FOXN3: variants seen among roughly 807,000 people sequenced by gnomAD.
The protein encoded by FOXN3 is forkhead box protein N3.
A neutral mutation model predicts 38.4 loss-of-function variants in FOXN3; 7 were observed. That is an observed-to-expected ratio of 0.18 (90% CI 0.10 to 0.34). The LOEUF (loss-of-function observed/expected upper bound fraction) is 0.34. Among genes scored for constraint, FOXN3 ranks in the 10% least tolerant of loss-of-function variants. The pLI is 1.00. For synonymous variants in FOXN3, 230 were observed against 242.2 expected (o/e 0.95, Z 0.47); for missense variants, 456 against 613.4 (o/e 0.74, Z 2.71).
intron 4 of FOXN3, among the ~76,000 whole-genome samples, chr14:89,277,699 C>G (rs964936773): frequency 6.6e-6 from 1 of 152,196 alleles, no homozygotes; most frequent in African/African-American, 2.4e-5. Context: ...AGTTTCCACT[C>G]TAAACCAAAC....
chr14:89,232,136 A>G (rs899369092), intron 4 of FOXN3, among the ~76,000 whole-genome samples: 8 of 152,156 alleles, frequency 5.3e-5, no homozygotes, highest in Admixed American at 1.3e-4. Context: ...GATTTATTGG[A>G]CTTTTCCACA....
In FOXN3 at chr14:89,425,897, T is replaced by G. The variant is rs148560387; in HGVS notation, c.-14-13407A>C. 2.9e-3 allele frequency among the ~76,000 whole-genome samples: 438 copies of G among 152,300 alleles called. 3 individuals are homozygous for G. The highest frequency in any genetic ancestry group is 0.01 in the African/African-American group (426 of 41,544). On this transcript the variant is annotated intron_variant, in intron 1 of 6. Transcript: ENST00000345097. ...GTTTCCATTTAAGAAGCTTTTTGAATATATATTGTTGTTCATTCACAACGA... is the reference window on the plus strand; with the variant it reads ...GTTTCCATTTAAGAAGCTTTTTGAAGATATATTGTTGTTCATTCACAACGA...
intron 1 of FOXN3, among the ~76,000 whole-genome samples, chr14:89,565,662 G>A (rs1258027970): frequency 2.0e-5 from 3 of 152,134 alleles, no homozygotes; most frequent in Non-Finnish European, 4.4e-5. Context: ...TCTACCAAAG[G>A]GGAGATGAAA....
intron 3 of FOXN3, chr14:89,291,521 G>T: frequency 1.7e-6 from 1 of 587,098 alleles, no homozygotes; most frequent in Non-Finnish European, 3.4e-6. Context: ...GGGCCTGTGG[G>T]ACTCTGCAGA....
At chr14:89,306,279 G>A (rs1887366839) in intron 3 of FOXN3, among the ~76,000 whole-genome samples, 1 of 151,782 alleles carries the variant, frequency 6.6e-6, no homozygotes, top group Non-Finnish European at 1.5e-5. Context: ...GAGGGGAGCT[G>A]AAGAAACAGA....
chr14:89,606,593 T>A (rs1453099989), intron 1 of FOXN3, among the ~76,000 whole-genome samples: 1 of 152,230 alleles, frequency 6.6e-6, no homozygotes, highest in Non-Finnish European at 1.5e-5. Context: ...CTCATGCCTG[T>A]AATCCCAGCA....
chr14:89,313,332 G>C (rs371927652), intron 3 of FOXN3, among the ~76,000 whole-genome samples: 4 of 152,204 alleles, frequency 2.6e-5, no homozygotes, highest in African/African-American at 9.7e-5. Context: ...TTGAGAGGCA[G>C]GGGATCACTT....
rs185716167 is a variant in FOXN3, at chr14:89,333,411, C to A, written c.680+17261G>T. Among the ~76,000 whole-genome samples, 181 of 144,802 alleles carry A rather than the reference C, an allele frequency of 1.2e-3. 1 individual carries two copies. Among genetic ancestry groups the A allele is most frequent in the African/African-American group, 4.3e-3 (173 of 39,874 alleles). The allele number at this position is 144,802 out of a possible 152,430, so 95.0% of individuals were successfully genotyped here. On this transcript the variant is annotated intron_variant, in intron 3 of 5. Transcript: ENST00000557258. Reference sequence around the variant, plus strand: ...CCAGCCTGGGTGAGAGAGCGAGACTCCGTCTCAAAAGAAAAAAAAAAAAGG... The same window carrying A: ...CCAGCCTGGGTGAGAGAGCGAGACTACGTCTCAAAAGAAAAAAAAAAAAGG...
intron 2 of FOXN3, among the ~76,000 whole-genome samples, chr14:89,366,938 A>ACATAATTTGATCAC (rs1272378596): frequency 2.6e-5 from 4 of 152,218 alleles, no homozygotes; most frequent in African/African-American, 9.6e-5. Context: ...TCAAATTGGC[A>ACATAATTTGATCAC]CATAATTTGA....
At chr14:89,599,460 T>A (rs1029165848) in intron 1 of FOXN3, among the ~76,000 whole-genome samples, 1 of 152,240 alleles carries the variant, frequency 6.6e-6, no homozygotes, top group East Asian at 1.9e-4. Flanking sequence ...TTCAATCTTA[T>A]CTTTTAATCC....
At chr14:89,225,631 A>G (rs1884612943) in intron 4 of FOXN3, among the ~76,000 whole-genome samples, 2 of 152,150 alleles carry the variant, frequency 1.3e-5, no homozygotes, top group Non-Finnish European at 2.9e-5. Flanking sequence ...AAATAAAAAT[A>G]TGAAATAATA....
At chr14:89,605,059 G>C (rs968254633) in intron 1 of FOXN3, among the ~76,000 whole-genome samples, 1 of 151,932 alleles carries the variant, frequency 6.6e-6, no homozygotes, top group African/African-American at 2.4e-5. Context: ...AAGTGATGAA[G>C]GGGGTGGGTT....
intron 4 of FOXN3, among the ~76,000 whole-genome samples, chr14:89,240,645 A>AAG (rs1259544684): frequency 7.2e-5 from 11 of 152,250 alleles, no homozygotes; most frequent in African/African-American, 2.7e-4. Flanking sequence ...GGGCTGTGTA[A>AAG]AGGCATCAGC....
chr14:89,591,761 C>T (rs528196994), intron 1 of FOXN3, among the ~76,000 whole-genome samples: 5 of 152,096 alleles, frequency 3.3e-5, no homozygotes, highest in Admixed American at 1.3e-4. Flanking sequence ...ACCATCTCTA[C>T]AAAAAATTTT....
rs145204184 is a variant in FOXN3 at position 89,580,384 on chromosome 14, G to A, written c.-15+38644C>T. ...TTTAGCCAAAACCTGTTCTGTGCTC[G>A]AAGGAAACCACCACCAAGGGCTGTC... is the stretch of plus-strand genomic sequence containing the variant. On this transcript the variant is annotated intron_variant, in intron 1 of 6. Transcript: ENST00000345097. Among the ~76,000 whole-genome samples, 68 of 152,304 alleles carry A rather than the reference G, an allele frequency of 4.5e-4. No individual in the cohort carries two copies. The East Asian group carries it at 9.6e-3, about 22-fold the overall frequency.
At chr14:89,492,714 C>T (rs532400057) in intron 1 of FOXN3, among the ~76,000 whole-genome samples, 2 of 152,174 alleles carry the variant, frequency 1.3e-5, no homozygotes, top group African/African-American at 2.4e-5. Context: ...CCTGTCTCAA[C>T]AAAATAAAAT....
chr14:89,391,885 T>C (rs1890957995), intron 2 of FOXN3, among the ~76,000 whole-genome samples: 1 of 152,136 alleles, frequency 6.6e-6, no homozygotes, highest in African/African-American at 2.4e-5. Flanking sequence ...CATGTGCCCA[T>C]ATTCCCAGCT....
intron 4 of FOXN3, among the ~76,000 whole-genome samples, chr14:89,250,625 T>A (rs569205641): frequency 1.3e-5 from 2 of 152,350 alleles, no homozygotes; most frequent in South Asian, 2.1e-4. Flanking sequence ...CCATGGGGAA[T>A]GGCACATTCT....
At chr14:89,329,216 G>A (rs897889350) in intron 3 of FOXN3, among the ~76,000 whole-genome samples, 1 of 152,178 alleles carries the variant, frequency 6.6e-6, no homozygotes, top group East Asian at 1.9e-4. Context: ...GACATAGATA[G>A]TAGGTGTTAA....
Sources: allele counts gnomAD v4.1 joint callset (sites outside exome capture counted in the v4.1 genomes callset), GRCh38; gene constraint gnomAD v4.1.1; transcripts MANE v1.5; gene names NCBI Gene and HGNC (gene_info 2026-07-23, HGNC 2026-07-21).